The following TMEM39A variants were observed in gnomAD, a reference collection of about 807,000 sequenced individuals.
TMEM39A encodes the protein transmembrane protein 39A.
Under a neutral mutation model 51.9 loss-of-function variants are expected in TMEM39A, and 19 were observed. The observed-to-expected ratio is 0.37, with a 90% confidence interval of 0.26 to 0.54. The LOEUF is 0.54. Among genes scored for constraint, TMEM39A ranks in the 20% least tolerant of loss-of-function variants. The pLI is 0.88. For missense variants in TMEM39A, 433 were observed against 590.5 expected, an observed-to-expected ratio of 0.73 and a Z score of 2.76; for synonymous variants, 197 against 220.2, an observed-to-expected ratio of 0.89 and a Z score of 0.93.
In TMEM39A at chr3:119,463,553, T is replaced by G; in HGVS notation, c.-292A>C. On this transcript the variant is annotated 5_prime_UTR_variant, in exon 1 of 9. Coordinates refer to ENST00000319172, the MANE Select transcript of TMEM39A (RefSeq NM_018266.3). ...TCCGACGCAGTTCCAGTGCCAGAGC[T>G]AAAGCTAGAGCCAGAGCCTGATACT... 2.5e-6 allele frequency: 1 copy of G among 398,830 alleles called. No individual in the cohort carries two copies. 24.7% of individuals were successfully genotyped at this position (398,830 alleles called of 1,614,324 possible). A position where few individuals can be genotyped will look rare whatever the true frequency, so the allele number is the denominator to read the frequency against.
chr3:119,440,668 T>C (rs1337382201), intron 5 of TMEM39A, among the ~76,000 whole-genome samples: 1 of 152,190 alleles, frequency 6.6e-6, no homozygotes, highest in Non-Finnish European at 1.5e-5. Flanking sequence ...AAATTAAACA[T>C]GTTGCTATTG....
intron 8 of TMEM39A, among the ~76,000 whole-genome samples, chr3:119,433,441 A>C (rs921132438): frequency 2.9e-4 from 44 of 152,136 alleles, no homozygotes; most frequent in African/African-American, 9.9e-4. Flanking sequence ...CCCATGGATC[A>C]CTTGGAGAAG....
rs1026078757 is a variant in TMEM39A, at chr3:119,429,463, T to C, written c.*2518A>G. 1 of 152,096 alleles carries C rather than the reference T, an allele frequency of 6.6e-6. No homozygotes were observed. Among genetic ancestry groups the C allele is most frequent in the African/African-American group, 2.4e-5 (1 of 41,424 alleles). 9.4% of individuals were successfully genotyped at this position (152,096 alleles called of 1,614,324 possible). The stretch of plus-strand genomic sequence containing the variant: ...ACCCAACTGAACTTTTGCTATACCA[T>C]GCTTTCCACAAACAATTTTAACTTG... On this transcript the variant is annotated 3_prime_UTR_variant, in exon 9 of 9. Coordinates refer to ENST00000319172, the MANE Select transcript of TMEM39A (RefSeq NM_018266.3).
At chr3:119,436,695 G>T in intron 7 of TMEM39A, 96 bp downstream of exon 7, 2 of 1,343,674 alleles carry the variant, frequency 1.5e-6, no homozygotes, top group Non-Finnish European at 1.0e-6. Context: ...AAAATTAAAT[G>T]TTCAAAGCCA....
intron 4 of TMEM39A, among the ~76,000 whole-genome samples, chr3:119,449,372 G>A (rs1227491154): frequency 2.0e-5 from 3 of 152,080 alleles, no homozygotes; most frequent in African/African-American, 7.2e-5. Context: ...TCTGGAGTTT[G>A]AGACCAACCT....
intron 7 of TMEM39A, chr3:119,435,700 C>G: frequency 1.0e-6 from 1 of 985,158 alleles, no homozygotes; most frequent in Non-Finnish European, 1.2e-6. Flanking sequence ...AAAATTCTAG[C>G]ACCCTAAAGC....
Position 119,447,028 on chromosome 3 carries a change from G to A in TMEM39A, c.565C>T (p.Leu189Phe), listed in dbSNP as rs762941037. The A allele has an allele frequency of 6.2e-7, 1 of 1,613,734 alleles. No homozygotes were observed. Among genetic ancestry groups the A allele is most frequent in the Non-Finnish European group, 8.5e-7 (1 of 1,179,882 alleles). ...AACTGGAGTACTCACGGGTAGCCAA[G>A]GAAAAGGAGATTGAGGACTGAATGG... ...RSHSVLNLLF[L>F]GYPFGVYVPL... is the part of the protein sequence containing the mutation. Residue 189 changes from leucine (L) to phenylalanine (F), a missense_variant, in exon 5 of 9, where the codon CTT becomes TTT. This residue lies in a region of TMEM39A where 170 missense variants were observed against 239.8 expected (regional missense o/e 0.71). Transcript: ENST00000319172.
intron 3 of TMEM39A, among the ~76,000 whole-genome samples, chr3:119,455,725 G>A (rs1018465815): frequency 6.6e-6 from 1 of 152,178 alleles, no homozygotes; most frequent in African/African-American, 2.4e-5. Flanking sequence ...ATTTGTAGGT[G>A]ACTTTCTAAA....
intron 2 of TMEM39A, among the ~76,000 whole-genome samples, chr3:119,459,820 C>T (rs570972767): frequency 2.0e-5 from 3 of 152,262 alleles, no homozygotes; most frequent in South Asian, 4.1e-4. Context: ...AATGTATCAT[C>T]CAAAAGTATG....
intron 2 of TMEM39A, among the ~76,000 whole-genome samples, chr3:119,458,826 C>T (rs571770252): frequency 5.3e-5 from 8 of 152,034 alleles, no homozygotes; most frequent in Admixed American, 2.0e-4. Context: ...ACTTAGGAGG[C>T]GGAGGTTGTG....
intron 4 of TMEM39A, 56 bp downstream of exon 4, chr3:119,452,391 C>T: frequency 7.3e-7 from 1 of 1,376,752 alleles, no homozygotes; most frequent in South Asian, 1.2e-5. Flanking sequence ...AACCTGCACC[C>T]ATTCTAGTAA....
At chr3:119,433,418 T>C (rs2107656959) in intron 8 of TMEM39A, among the ~76,000 whole-genome samples, 1 of 152,270 alleles carries the variant, frequency 6.6e-6, no homozygotes, top group Admixed American at 6.5e-5. Flanking sequence ...CCAGGTGATT[T>C]ATCAGCAGGT....
At position 119,436,959 on chromosome 3, in the gene TMEM39A, A is replaced by G. The variant is rs2080977665; in HGVS notation, c.944T>C (p.Met315Thr). ...CFVKSTQYYD[M>T]RWSCEHLIMV... ...AATGAGGTGCTCACATGACCAGCGC[A>G]TGTCATAGTACTGGGTACTCTGGAA... is the stretch of plus-strand genomic sequence containing the variant. Residue 315 changes from methionine to threonine, a missense_variant, in exon 7 of 9, where the codon ATG becomes ACG. Around this residue, in one of 3 missense-constraint regions of TMEM39A, gnomAD observed 223 missense variants for 328.1 expected, o/e 0.68. Coordinates refer to ENST00000319172, the MANE Select transcript of TMEM39A (RefSeq NM_018266.3). 6.2e-7 allele frequency: 1 copy of G among 1,613,742 alleles called. No individual in the cohort carries two copies. Among genetic ancestry groups the G allele is most frequent in the Non-Finnish European group, 8.5e-7 (1 of 1,179,682 alleles).
In TMEM39A at chr3:119,431,205, A is replaced by T. The variant is rs1038817084; in HGVS notation, c.*776T>A. 6.6e-6 allele frequency: 1 copy of T among 152,166 alleles called. No individual in the cohort carries two copies. Among genetic ancestry groups the T allele is most frequent in the Non-Finnish European group, 1.5e-5 (1 of 68,040 alleles). The allele number at this position is 152,166 out of a possible 1,614,324, so 9.4% of individuals were successfully genotyped here. A position where few individuals can be genotyped will look rare whatever the true frequency, so the allele number is the denominator to read the frequency against. On this transcript the variant is annotated 3_prime_UTR_variant, in exon 9 of 9. Transcript: ENST00000319172. ...TCAACCTTCCCATACTCTAGCCCAC[A>T]TGGCATTTGCACTCAGCTTCTCCTA...
chr3:119,451,354 C>A, intron 4 of TMEM39A: 1 of 1,183,256 alleles, frequency 8.5e-7, no homozygotes, highest in South Asian at 1.3e-5. Context: ...AGTTGACTCT[C>A]AATTATTTGT....
In TMEM39A at chr3:119,450,850, A is replaced by AC. The variant is rs2081188890; in HGVS notation, c.420+1596_420+1597insG. ...TCAAAAAAAAAAAAAAAAAAAAAAA[A>AC]AGAATTGCAAGCCTATTCCAACTAA... On this transcript the variant is annotated intron_variant, in intron 4 of 8. Coordinates refer to ENST00000319172, the MANE Select transcript of TMEM39A (RefSeq NM_018266.3). Among the ~76,000 whole-genome samples the AC allele has an allele frequency of 1.6e-4, 24 of 151,334 alleles. No individual in the cohort carries two copies. The South Asian group carries it at 5.0e-3, about 32-fold the overall frequency.
At position 119,431,648 on chromosome 3, in the gene TMEM39A, T is replaced by C. The variant is rs1469941844; in HGVS notation, c.*333A>G. 6.0e-6 allele frequency: 1 copy of C among 166,586 alleles called. No homozygotes were observed. Among genetic ancestry groups the C allele is most frequent in the Non-Finnish European group, 1.3e-5 (1 of 77,558 alleles). 10.3% of individuals were successfully genotyped at this position (166,586 alleles called of 1,614,324 possible). A position where few individuals can be genotyped will look rare whatever the true frequency, so the allele number is the denominator to read the frequency against. ...GCTGAGGGCTAAAGATAATGAGGAT[T>C]GAAAGAAAAGCAGACATACCAAAGG... On this transcript the variant is annotated 3_prime_UTR_variant, in exon 9 of 9. Transcript: ENST00000319172.
chr3:119,460,044 G>C (rs1464393218), intron 2 of TMEM39A, among the ~76,000 whole-genome samples: 3 of 151,254 alleles, frequency 2.0e-5, no homozygotes, highest in South Asian at 2.1e-4. Flanking sequence ...GAAATATAAA[G>C]CTTTCTTTTC....
intron 4 of TMEM39A, among the ~76,000 whole-genome samples, chr3:119,450,825 T>TTA (rs1209319699): frequency 1.3e-4 from 1 of 7,716 alleles, no homozygotes; most frequent in Non-Finnish European, 2.2e-4. Flanking sequence ...AGACTCCATC[T>TTA]CAAAAAAAAA....
Sources: allele counts gnomAD v4.1 joint callset (sites outside exome capture counted in the v4.1 genomes callset), GRCh38; gene constraint gnomAD v4.1.1; regional missense constraint gnomAD v4.1.1; transcripts MANE v1.5; gene names NCBI Gene and HGNC (gene_info 2026-07-23, HGNC 2026-07-21).